The following GLIS3 variants were observed in gnomAD, a reference collection of about 807,000 sequenced individuals.
GLIS3 encodes GLIS family zinc finger 3.
A neutral mutation model predicts 78.6 loss-of-function variants in GLIS3; 53 were observed. The ratio of observed to expected loss-of-function variants is 0.67; its 90% confidence interval spans 0.54 to 0.85. The LOEUF (loss-of-function observed/expected upper bound fraction) is 0.85, where lower values mean the gene tolerates loss of function less well. Ranked by LOEUF, GLIS3 falls within the 40% of genes least tolerant of loss-of-function variation. The probability of loss-of-function intolerance (pLI) is 0.00; values close to 1 mark genes in which losing one functional copy is unlikely to be tolerated. For missense variants in GLIS3, 1,703 were observed against 1,231.1 expected (o/e 1.38, Z -5.74); for synonymous variants, 684 against 509.9 (o/e 1.34, Z -4.60).
chr9:3,840,649 C>G (rs1172312566), intron 9 of GLIS3, among the ~76,000 whole-genome samples: 1 of 152,244 alleles, frequency 6.6e-6, no homozygotes, highest in East Asian at 1.9e-4. Context: ...TTGAAGGAAC[C>G]CATGACAGTG....
intron 2 of GLIS3, among the ~76,000 whole-genome samples, chr9:4,272,331 A>G (rs1327333255): frequency 6.6e-6 from 1 of 152,210 alleles, no homozygotes; most frequent in Non-Finnish European, 1.5e-5. Context: ...ATTCTGGTAG[A>G]CATAATGTAT....
chr9:4,313,414 G>A (rs1376457576), intron 2 of GLIS3, among the ~76,000 whole-genome samples: 4 of 152,098 alleles, frequency 2.6e-5, no homozygotes, highest in African/African-American at 7.2e-5. Context: ...TCTGGCATCA[G>A]CTTCCATTTT....
At chr9:4,202,410 C>G (rs1019475007) in intron 2 of GLIS3, among the ~76,000 whole-genome samples, 7 of 147,770 alleles carry the variant, frequency 4.7e-5, no homozygotes, top group African/African-American at 1.8e-4. Flanking sequence ...CTCAGCCTCC[C>G]AAGGACTCAG....
At chr9:4,253,081 G>A (rs901040784) in intron 2 of GLIS3, among the ~76,000 whole-genome samples, 14 of 152,240 alleles carry the variant, frequency 9.2e-5, no homozygotes, top group African/African-American at 3.4e-4. Context: ...CGATTAGGAG[G>A]CACAGGGGTC....
intron 4 of GLIS3, among the ~76,000 whole-genome samples, chr9:4,042,943 T>G (rs897535633): frequency 3.1e-5 from 4 of 130,794 alleles, no homozygotes; most frequent in Non-Finnish European, 6.1e-5. Flanking sequence ...TAGAGCTTGC[T>G]TGAAAAGAAA....
intron 4 of GLIS3, among the ~76,000 whole-genome samples, chr9:3,953,783 CTCTCTCTCTCTCTATATA>C (rs1242962359): frequency 2.7e-4 from 11 of 40,682 alleles, no homozygotes; most frequent in Middle Eastern, 0.032. Context: ...CTCTCTCTCT[CTCTCTCTCTCTCTATATA>C]TATATATATA....
intron 9 of GLIS3, among the ~76,000 whole-genome samples, chr9:3,839,884 T>C (rs1563764667): frequency 6.6e-6 from 1 of 152,160 alleles, no homozygotes; most frequent in Non-Finnish European, 1.5e-5. Flanking sequence ...AATCACCTAA[T>C]CACTGAAAAA....
intron 7 of GLIS3, among the ~76,000 whole-genome samples, chr9:3,891,491 C>T (rs1378158378): frequency 6.6e-6 from 1 of 152,056 alleles, no homozygotes; most frequent in Non-Finnish European, 1.5e-5. Flanking sequence ...CACTTGAGTC[C>T]AGGAGTTTGA....
the GLIS3 span, among the ~76,000 whole-genome samples, chr9:4,423,959 T>C: frequency 2.0e-5 from 3 of 152,164 alleles, no homozygotes; most frequent in South Asian, 2.1e-4. Flanking sequence ...CACAAAATAG[T>C]GCAAACTTAA....
intron 2 of GLIS3, among the ~76,000 whole-genome samples, chr9:4,317,174 T>C (rs1817449124): frequency 6.6e-6 from 1 of 152,242 alleles, no homozygotes; most frequent in South Asian, 2.1e-4. Flanking sequence ...TCAAAATATA[T>C]TCTTGCATAC....
chr9:4,038,175 A>T (rs1049277118), intron 4 of GLIS3, among the ~76,000 whole-genome samples: 1 of 152,184 alleles, frequency 6.6e-6, no homozygotes, highest in African/African-American at 2.4e-5. Context: ...TTTATTTGTA[A>T]TTAATCAAGA....
chr9:4,460,358 C>A, the GLIS3 span, among the ~76,000 whole-genome samples: 1 of 152,266 alleles, frequency 6.6e-6, no homozygotes, highest in East Asian at 1.9e-4. Context: ...TCAGATTGAA[C>A]AAGAAAATGT....
chr9:3,901,774 G>A (rs1823322708), intron 6 of GLIS3, among the ~76,000 whole-genome samples: 2 of 152,140 alleles, frequency 1.3e-5, no homozygotes, highest in Non-Finnish European at 2.9e-5. Flanking sequence ...CTCTGACCAG[G>A]ACTCTCTGTA....
chr9:4,176,714 C>G (rs376363029), intron 2 of GLIS3, among the ~76,000 whole-genome samples: 1 of 152,316 alleles, frequency 6.6e-6, no homozygotes, highest in East Asian at 1.9e-4. Context: ...ACCTCCGCCT[C>G]CCGGGTTCAA....
the GLIS3 span, among the ~76,000 whole-genome samples, chr9:4,432,438 C>G: frequency 6.6e-6 from 1 of 151,854 alleles, no homozygotes. Flanking sequence ...TTCAGTTTGG[C>G]CATAACACAG....
chr9:4,162,543 A>T (rs903141300), intron 2 of GLIS3, among the ~76,000 whole-genome samples: 1 of 152,228 alleles, frequency 6.6e-6, no homozygotes, highest in African/African-American at 2.4e-5. Context: ...TGACCGTTTC[A>T]GAATGGAAGA....
chr9:4,433,405 C>G, the GLIS3 span, among the ~76,000 whole-genome samples: 1 of 151,986 alleles, frequency 6.6e-6, no homozygotes, highest in Non-Finnish European at 1.5e-5. Context: ...TCACTCCAGC[C>G]TAGGTGACAG....
At chr9:4,117,101 C>A (rs1831710179) in intron 4 of GLIS3, among the ~76,000 whole-genome samples, 2 of 152,132 alleles carry the variant, frequency 1.3e-5, no homozygotes, top group African/African-American at 4.8e-5. Context: ...TCCCTCAGCA[C>A]CAAAGGCTTC....
chr9:4,074,463 CA>C (rs542512940), intron 4 of GLIS3, among the ~76,000 whole-genome samples: 1 of 152,322 alleles, frequency 6.6e-6, no homozygotes, highest in South Asian at 2.1e-4. Flanking sequence ...CTGAGAGATT[CA>C]GACAAATTTC....
Sources: gnomAD v4.1 joint callset for allele counts (sites outside exome capture counted in the v4.1 genomes callset) on GRCh38, gnomAD v4.1.1 for gene constraint, MANE v1.5 for transcripts, NCBI Gene and HGNC (gene_info 2026-07-23, HGNC 2026-07-21) for gene names.